The following L3MBTL4 variants were observed in gnomAD, a reference collection of about 807,000 sequenced individuals.
L3MBTL4 encodes lethal(3)malignant brain tumor-like protein 4.
In L3MBTL4, 70 loss-of-function variants were observed where a neutral mutation model predicts 84.5. The observed-to-expected ratio is 0.83, with a 90% confidence interval of 0.68 to 1.01. The LOEUF (loss-of-function observed/expected upper bound fraction) is 1.01. L3MBTL4 is among the 50% of genes least tolerant of loss of function. The probability of loss-of-function intolerance (pLI) is 0.00; values close to 1 mark genes in which losing one functional copy is unlikely to be tolerated. For synonymous variants in L3MBTL4, 274 were observed against 259.8 expected (o/e 1.05, Z -0.52); for missense variants, 715 against 754.8 (o/e 0.95, Z 0.62).
intron 14 of L3MBTL4, among the ~76,000 whole-genome samples, chr18:6,121,134 T>C (rs1568155272): frequency 6.6e-6 from 1 of 152,210 alleles, no homozygotes; most frequent in Non-Finnish European, 1.5e-5. Context: ...TTCTGCAGCA[T>C]GTACTATTAT....
intron 16 of L3MBTL4, among the ~76,000 whole-genome samples, chr18:6,041,181 C>T (rs975161010): frequency 6.6e-6 from 1 of 152,220 alleles, no homozygotes. Context: ...GGGCGGACTG[C>T]CCAGTACATG....
chr18:6,279,313 G>A (rs2049224696), intron 4 of L3MBTL4, among the ~76,000 whole-genome samples: 1 of 152,052 alleles, frequency 6.6e-6, no homozygotes, highest in Middle Eastern at 3.2e-3. Flanking sequence ...CAAGAGAAGA[G>A]TGAGGAGAAG....
intron 14 of L3MBTL4, among the ~76,000 whole-genome samples, chr18:6,118,198 AACACACACAAACAC>A (rs904388562): frequency 2.1e-4 from 15 of 72,098 alleles, no homozygotes; most frequent in Non-Finnish European, 3.0e-4. Flanking sequence ...CTGTCTCTTA[AACACACACAAACAC>A]ACACACACAC....
chr18:6,137,084 C>T (rs1457391210), intron 14 of L3MBTL4, among the ~76,000 whole-genome samples: 1 of 152,112 alleles, frequency 6.6e-6, no homozygotes, highest in Non-Finnish European at 1.5e-5. Flanking sequence ...TGCCTTATGC[C>T]CCTGGGACAA....
rs143548621 is a variant in L3MBTL4 at position 6,163,101 on chromosome 18, C to T, written c.1096+8727G>A. 4.2e-4 allele frequency among the ~76,000 whole-genome samples: 64 copies of T among 152,178 alleles called. No individual in the cohort carries two copies. In the East Asian group the frequency reaches 7.0e-3, roughly 17 times the overall value. On this transcript the variant is annotated intron_variant, in intron 13 of 18. Coordinates refer to ENST00000317931, the MANE Select transcript of L3MBTL4 (RefSeq NM_001330559.2). ...AAAGACAATCATAACACCACTGCAA[C>T]GGTCAATGACAGGCCCTCAAATGTT...
chr18:6,044,088 T>C (rs1388896940), intron 16 of L3MBTL4, among the ~76,000 whole-genome samples: 1 of 152,218 alleles, frequency 6.6e-6, no homozygotes, highest in African/African-American at 2.4e-5. Context: ...TGTATATTCA[T>C]TGAATCAAAG....
At chr18:6,397,050 G>A (rs1343595314) in intron 1 of L3MBTL4, 1 of 152,166 alleles carries the variant, frequency 6.6e-6, no homozygotes, top group Non-Finnish European at 1.5e-5. Flanking sequence ...AGCATGAGTA[G>A]AGAAGCCAAA....
intron 3 of L3MBTL4, among the ~76,000 whole-genome samples, chr18:6,308,039 C>T (rs2050670256): frequency 1.3e-5 from 2 of 152,096 alleles, no homozygotes; most frequent in African/African-American, 4.8e-5. Flanking sequence ...TGAAAAAAAA[C>T]AGACTTCATT....
chr18:6,109,409 A>G (rs1004792075), intron 14 of L3MBTL4, among the ~76,000 whole-genome samples: 6 of 152,074 alleles, frequency 3.9e-5, no homozygotes, highest in African/African-American at 1.4e-4. Context: ...CGTTTCTAGG[A>G]TAATCAACTC....
intron 4 of L3MBTL4, among the ~76,000 whole-genome samples, chr18:6,287,354 A>G (rs1276528842): frequency 6.6e-6 from 1 of 152,218 alleles, no homozygotes; most frequent in Non-Finnish European, 1.5e-5. Context: ...AAAAAGACTC[A>G]AAGACTGCCT....
chr18:6,174,593 G>A (rs1382407819), intron 12 of L3MBTL4, among the ~76,000 whole-genome samples: 1 of 152,016 alleles, frequency 6.6e-6, no homozygotes, highest in Non-Finnish European at 1.5e-5. Context: ...ATGATGTTCC[G>A]GTGTGATGGC....
chr18:6,334,681 A>G (rs1252200692), intron 1 of L3MBTL4, among the ~76,000 whole-genome samples: 1 of 152,208 alleles, frequency 6.6e-6, no homozygotes, highest in African/African-American at 2.4e-5. Context: ...GAGGAAACAC[A>G]GTAATTTTTA....
intron 16 of L3MBTL4, among the ~76,000 whole-genome samples, chr18:5,997,791 C>T (rs546030136): frequency 1.3e-5 from 2 of 152,194 alleles, no homozygotes; most frequent in South Asian, 4.1e-4. Flanking sequence ...GCAAAATAAA[C>T]TTTCTAAATT....
intron 14 of L3MBTL4, among the ~76,000 whole-genome samples, chr18:6,110,231 T>A (rs897272726): frequency 6.6e-6 from 1 of 152,228 alleles, no homozygotes; most frequent in Admixed American, 6.5e-5. Context: ...AGTGAAAATA[T>A]GTTGCACTTA....
intron 9 of L3MBTL4, among the ~76,000 whole-genome samples, chr18:6,238,295 A>C (rs2047301709): frequency 6.6e-6 from 1 of 152,224 alleles, no homozygotes; most frequent in African/African-American, 2.4e-5. Context: ...GCATTTCGGG[A>C]GGCCGAGACA....
chr18:6,197,944 T>C (rs971179215), intron 12 of L3MBTL4, among the ~76,000 whole-genome samples: 3 of 152,234 alleles, frequency 2.0e-5, no homozygotes, highest in Admixed American at 1.3e-4. Context: ...CAGACAGAAC[T>C]GGGGCTGGGG....
chr18:6,377,604 A>G (rs962397288), intron 1 of L3MBTL4, among the ~76,000 whole-genome samples: 37 of 152,180 alleles, frequency 2.4e-4, no homozygotes, highest in Admixed American at 1.5e-3. Flanking sequence ...TAGTTTGCTG[A>G]GAATGATGGT....
chr18:6,370,133 CAA>C (rs35835409), intron 1 of L3MBTL4, among the ~76,000 whole-genome samples: 169 of 88,282 alleles, frequency 1.9e-3, no homozygotes, highest in East Asian at 9.7e-3. Context: ...GACTCGGTCT[CAA>C]AAAAAAAAAA....
chr18:5,964,944 A>G (rs1173720989), intron 17 of L3MBTL4, among the ~76,000 whole-genome samples: 1 of 152,240 alleles, frequency 6.6e-6, no homozygotes, highest in East Asian at 1.9e-4. Flanking sequence ...ATAAGATAGC[A>G]AAAGATTCAA....
Sources: allele counts gnomAD v4.1 joint callset (sites outside exome capture counted in the v4.1 genomes callset), GRCh38; gene constraint gnomAD v4.1.1; transcripts MANE v1.5; gene names NCBI Gene and HGNC (gene_info 2026-07-23, HGNC 2026-07-21).